Variants in SLC2A13 observed in about 807,000 individuals in gnomAD.
SLC2A13 encodes solute carrier family 2 member 13, also known as proton myo-inositol cotransporter.
A neutral mutation model predicts 64.4 loss-of-function variants in SLC2A13; 32 were observed. That is an observed-to-expected ratio of 0.50 (90% CI 0.37 to 0.67). The LOEUF (loss-of-function observed/expected upper bound fraction) is 0.67. SLC2A13 is among the 30% of genes least tolerant of loss of function. The pLI, the probability that SLC2A13 is intolerant of heterozygous loss-of-function variation, is 0.00. For synonymous variants in SLC2A13, 338 were observed against 327.1 expected (o/e 1.03, Z -0.36); for missense variants, 743 against 829.2 (o/e 0.90, Z 1.28).
At chr12:39,840,243 C>A (rs1198496723) in intron 6 of SLC2A13, among the ~76,000 whole-genome samples, 21 of 151,710 alleles carry the variant, frequency 1.4e-4, no homozygotes, top group Admixed American at 1.4e-3. Flanking sequence ...TGTTGGCCAG[C>A]CACCACGCCC....
At chr12:39,860,341 C>A (rs1943725576) in intron 6 of SLC2A13, among the ~76,000 whole-genome samples, 1 of 152,152 alleles carries the variant, frequency 6.6e-6, no homozygotes, top group Non-Finnish European at 1.5e-5. Context: ...AGAGATACTG[C>A]CCAATTGATT....
chr12:39,869,210 TGTGA>T (rs1191519316), intron 5 of SLC2A13, among the ~76,000 whole-genome samples: 1 of 152,188 alleles, frequency 6.6e-6, no homozygotes, highest in East Asian at 1.9e-4. Context: ...AAAAATCAAT[TGTGA>T]GTGAGGGTCA....
intron 4 of SLC2A13, among the ~76,000 whole-genome samples, chr12:39,901,946 T>C (rs1945127476): frequency 6.6e-6 from 1 of 152,080 alleles, no homozygotes; most frequent in Non-Finnish European, 1.5e-5. Flanking sequence ...CCAACCAAAA[T>C]GTCCATCAAT....
chr12:39,972,840 G>C (rs1457063064), intron 3 of SLC2A13, among the ~76,000 whole-genome samples: 1 of 152,178 alleles, frequency 6.6e-6, no homozygotes, highest in East Asian at 1.9e-4. Context: ...GGCCAAGGCA[G>C]GTGGATCACC....
intron 2 of SLC2A13, among the ~76,000 whole-genome samples, chr12:40,040,755 T>G (rs1948073615): frequency 6.6e-6 from 1 of 152,202 alleles, no homozygotes; most frequent in South Asian, 2.1e-4. Context: ...AATCTATCAT[T>G]CTTAAAATGA....
intron 3 of SLC2A13, among the ~76,000 whole-genome samples, chr12:39,998,291 C>T (rs140051359): frequency 2.3e-3 from 348 of 152,248 alleles, no homozygotes; most frequent in Non-Finnish European, 4.0e-3. Flanking sequence ...GAATGGAAAA[C>T]CAAACATCGT....
intron 4 of SLC2A13, among the ~76,000 whole-genome samples, chr12:39,921,447 G>A (rs889817013): frequency 1.3e-5 from 2 of 152,002 alleles, no homozygotes; most frequent in African/African-American, 2.4e-5. Flanking sequence ...AGGGTGGCCC[G>A]GCCATGCTTA....
chr12:39,760,161 T>C lies in SLC2A13; in HGVS notation c.1812A>G (p.Glu604=), dbSNP rs2135706089. The C allele has an allele frequency of 1.2e-6, 2 of 1,612,970 alleles. No homozygotes were observed. The highest frequency in any genetic ancestry group is 1.7e-6 in the Non-Finnish European group (2 of 1,179,388). Residue 604 remains glutamate (E), a synonymous_variant, in exon 10 of 10, where the codon GAA becomes GAG. Transcript: ENST00000280871. ...GCCTGTTGTCAAAGAGTGATTCAAT[T>C]TCCTCTAATTTTTTGCCTTTGGTCT... is the stretch of plus-strand genomic sequence containing the variant. ...LPETKGKKLE[E]IESLFDNRLC...
chr12:40,012,668 T>TAA (rs2136196213), intron 3 of SLC2A13, among the ~76,000 whole-genome samples: 1 of 152,350 alleles, frequency 6.6e-6, no homozygotes, highest in Admixed American at 6.5e-5. Context: ...TGCCTTTTTC[T>TAA]TTTTCAACAT....
At chr12:39,998,512 T>A (rs7954875) in intron 3 of SLC2A13, among the ~76,000 whole-genome samples, 2 of 151,982 alleles carry the variant, frequency 1.3e-5, no homozygotes, top group Non-Finnish European at 2.9e-5. Flanking sequence ...GAGATCATTT[T>A]GGAGCTTTAA....
intron 4 of SLC2A13, among the ~76,000 whole-genome samples, chr12:39,881,722 T>G (rs1451249870): frequency 6.6e-6 from 1 of 152,168 alleles, no homozygotes; most frequent in Non-Finnish European, 1.5e-5. Context: ...GAGGCTAGGC[T>G]GTTTTCTCTC....
chr12:39,992,215 G>T (rs941278913), intron 3 of SLC2A13, among the ~76,000 whole-genome samples: 7 of 152,136 alleles, frequency 4.6e-5, no homozygotes, highest in African/African-American at 1.7e-4. Context: ...AGAGGACAAA[G>T]GGGCGATTAA....
At chr12:39,762,789 A>G (rs1219210988) in intron 9 of SLC2A13, among the ~76,000 whole-genome samples, 2 of 152,224 alleles carry the variant, frequency 1.3e-5, no homozygotes, top group South Asian at 2.1e-4. Flanking sequence ...TTCTACTACT[A>G]GAGAGTAGTA....
chr12:39,898,759 C>G (rs1483804894), intron 4 of SLC2A13, among the ~76,000 whole-genome samples: 1 of 152,146 alleles, frequency 6.6e-6, no homozygotes, highest in Non-Finnish European at 1.5e-5. Flanking sequence ...GTCACCCACA[C>G]TACTTACATC....
At chr12:39,985,197 A>G (rs1470918963) in intron 3 of SLC2A13, among the ~76,000 whole-genome samples, 1 of 152,118 alleles carries the variant, frequency 6.6e-6, no homozygotes, top group Admixed American at 6.5e-5. Context: ...GATTATCGCA[A>G]TTTTGTCTCT....
chr12:39,876,231 C>G (rs935387449), intron 4 of SLC2A13, among the ~76,000 whole-genome samples: 7 of 152,182 alleles, frequency 4.6e-5, no homozygotes, highest in Non-Finnish European at 8.8e-5. Flanking sequence ...TTATGTGACA[C>G]TCAGCTTCCA....
At chr12:39,924,986 A>G (rs2136062782) in intron 4 of SLC2A13, among the ~76,000 whole-genome samples, 1 of 152,060 alleles carries the variant, frequency 6.6e-6, no homozygotes, top group Non-Finnish European at 1.5e-5. Flanking sequence ...GACATAAAAC[A>G]TACCAGATGA....
intron 7 of SLC2A13, among the ~76,000 whole-genome samples, chr12:39,822,188 C>A (rs1441543061): frequency 6.6e-6 from 1 of 150,610 alleles, no homozygotes; most frequent in East Asian, 2.0e-4. Context: ...TTTCTTCTTG[C>A]GATAGTTTAC....
chr12:40,025,328 A>G (rs1426078542), intron 3 of SLC2A13, among the ~76,000 whole-genome samples: 1 of 152,222 alleles, frequency 6.6e-6, no homozygotes. Flanking sequence ...AATCTCACAC[A>G]TCCAAAAAAT....
Sources: allele counts gnomAD v4.1 joint callset (sites outside exome capture counted in the v4.1 genomes callset), GRCh38; gene constraint gnomAD v4.1.1; transcripts MANE v1.5; gene names NCBI Gene and HGNC (gene_info 2026-07-23, HGNC 2026-07-21).